Variants in SPATA16 observed in about 807,000 individuals in gnomAD.
The protein encoded by SPATA16 is spermatogenesis associated 16.
Under a neutral mutation model 63.3 loss-of-function variants are expected in SPATA16, and 36 were observed. The observed-to-expected ratio is 0.57, with a 90% CI of 0.44 to 0.75. SPATA16 has a LOEUF of 0.75. SPATA16 is among the 30% of genes least tolerant of loss of function. SPATA16 has a pLI of 0.00. For synonymous variants in SPATA16, 203 were observed against 216.7 expected (o/e 0.94, Z 0.56); for missense variants, 646 against 679.3 (o/e 0.95, Z 0.54).
At chr3:173,070,939 T>G (rs1428996808) in intron 2 of SPATA16, among the ~76,000 whole-genome samples, 1 of 152,174 alleles carries the variant, frequency 6.6e-6, no homozygotes. Context: ...AATGACATTC[T>G]TAACAGAAAT....
At chr3:172,932,281 A>T (rs1732888938) in intron 6 of SPATA16, among the ~76,000 whole-genome samples, 2 of 152,212 alleles carry the variant, frequency 1.3e-5, no homozygotes. Flanking sequence ...AGAAAGATGC[A>T]GATTTGTTGG....
Position 172,938,204 on chromosome 3 carries a change from A to T in SPATA16, c.1082-12712T>A, listed in dbSNP as rs564811257. ...CTCAGCTTCCCTTCATGGGTCTTAC[A>T]GATGCTATAAAAACATTAGATTATT... On this transcript the variant is annotated intron_variant, in intron 6 of 10. Coordinates refer to ENST00000351008, the MANE Select transcript of SPATA16 (RefSeq NM_031955.6). Among the ~76,000 whole-genome samples the T allele has an allele frequency of 5.9e-5, 9 of 152,324 alleles. No individual in the cohort carries two copies. In the South Asian group the frequency reaches 1.9e-3, roughly 32 times the overall value.
At chr3:173,117,842 T>C in intron 1 of SPATA16, 93 bp from the exon 2 acceptor site, 1 of 1,577,698 alleles carries the variant, frequency 6.3e-7, no homozygotes, top group South Asian at 1.1e-5. Flanking sequence ...CACTATTTCA[T>C]TCATTATTAG....
chr3:173,117,322 T>C lies in SPATA16; in HGVS notation c.410A>G (p.Tyr137Cys). The C allele has an allele frequency of 6.2e-7, 1 of 1,614,196 alleles. No homozygotes were observed. Residue 137 changes from tyrosine (Y) to cysteine (C), a missense_variant, in exon 2 of 11, where the codon TAT becomes TGT. Transcript: ENST00000351008. ...LVYIDEMGVRYEFVESFMSTG... is the reference protein window; with the variant it reads ...LVYIDEMGVRCEFVESFMSTG... ...AGACATGAAGGACTCTACAAACTCA[T>C]AGCGAACACCCATTTCATCAATGTA...
intron 2 of SPATA16, among the ~76,000 whole-genome samples, chr3:173,054,590 C>A (rs748677248): frequency 3.3e-5 from 5 of 151,994 alleles, no homozygotes; most frequent in Non-Finnish European, 7.3e-5. Context: ...ACACTGAGAA[C>A]TCATGGACAC....
intron 2 of SPATA16, among the ~76,000 whole-genome samples, chr3:173,080,930 T>C (rs1736908135): frequency 6.6e-6 from 1 of 152,160 alleles, no homozygotes; most frequent in East Asian, 1.9e-4. Flanking sequence ...TGGAAAGAGA[T>C]ACTTTCTCTG....
At chr3:172,902,204 A>G (rs1468693327) in intron 10 of SPATA16, among the ~76,000 whole-genome samples, 1 of 149,016 alleles carries the variant, frequency 6.7e-6, no homozygotes, top group Non-Finnish European at 1.5e-5. Context: ...CACCCAGCTA[A>G]TTTTTGTATT....
chr3:172,891,365 A>C (rs1212146093), intron 10 of SPATA16, among the ~76,000 whole-genome samples: 2 of 152,198 alleles, frequency 1.3e-5, no homozygotes, highest in Admixed American at 6.5e-5. Context: ...TATTTTAAAA[A>C]GACAAGAAAC....
intron 3 of SPATA16, among the ~76,000 whole-genome samples, chr3:173,037,258 A>G (rs1735734314): frequency 6.6e-6 from 1 of 151,954 alleles, no homozygotes; most frequent in South Asian, 2.1e-4. Context: ...TTTTTTGGGT[A>G]CTACATGTGA....
intron 2 of SPATA16, among the ~76,000 whole-genome samples, chr3:173,057,339 G>A (rs1454575675): frequency 6.6e-6 from 1 of 151,764 alleles, no homozygotes; most frequent in East Asian, 1.9e-4. Context: ...GGTCTCCATC[G>A]CCTGACCTCT....
chr3:172,980,642 G>A (rs576764699), intron 4 of SPATA16, among the ~76,000 whole-genome samples: 1 of 152,068 alleles, frequency 6.6e-6, no homozygotes, highest in Non-Finnish European at 1.5e-5. Flanking sequence ...TCATCCAATC[G>A]CGCCTAATCA....
chr3:172,943,888 A>G (rs568861001), intron 6 of SPATA16, among the ~76,000 whole-genome samples: 10 of 152,330 alleles, frequency 6.6e-5, no homozygotes, highest in African/African-American at 2.2e-4. Flanking sequence ...AAAAACCCAA[A>G]TGAACAAAGA....
chr3:172,981,991 A>G (rs1734331189), intron 4 of SPATA16, among the ~76,000 whole-genome samples: 1 of 152,292 alleles, frequency 6.6e-6, no homozygotes. Flanking sequence ...GCTCTACTGG[A>G]ATATAAGGTC....
At chr3:173,074,240 A>T (rs1202257005) in intron 2 of SPATA16, among the ~76,000 whole-genome samples, 1 of 152,054 alleles carries the variant, frequency 6.6e-6, no homozygotes, top group African/African-American at 2.4e-5. Context: ...ATGAGTTAAG[A>T]CTTTGGGGGA....
intron 6 of SPATA16, among the ~76,000 whole-genome samples, chr3:172,941,045 T>C (rs1016635348): frequency 3.9e-5 from 6 of 151,976 alleles, no homozygotes; most frequent in South Asian, 2.1e-4. Flanking sequence ...AGAGAACTTC[T>C]AGGAGTGGAA....
intron 4 of SPATA16, among the ~76,000 whole-genome samples, chr3:172,992,066 G>T (rs951166925): frequency 6.6e-6 from 1 of 152,050 alleles, no homozygotes; most frequent in African/African-American, 2.4e-5. Flanking sequence ...CTAGTTAATG[G>T]TATGGGCGTT....
chr3:173,062,140 C>T (rs1736396905), intron 2 of SPATA16, among the ~76,000 whole-genome samples: 1 of 144,284 alleles, frequency 6.9e-6, no homozygotes, highest in South Asian at 2.2e-4. Context: ...ATCTGACCAA[C>T]TAGTAATTTG....
At chr3:173,027,453 G>T (rs1000488112) in intron 3 of SPATA16, among the ~76,000 whole-genome samples, 20 of 151,870 alleles carry the variant, frequency 1.3e-4, no homozygotes, top group Non-Finnish European at 2.2e-4. Flanking sequence ...ACCATTTGTT[G>T]TTGTTGCTGT....
intron 4 of SPATA16, 70 bp downstream of exon 4, chr3:173,019,416 A>G (rs952200601): frequency 3.2e-6 from 4 of 1,264,018 alleles, no homozygotes; most frequent in East Asian, 2.3e-5. Context: ...CTGTTATGCT[A>G]TTACCAGAAT....
Sources: gnomAD v4.1 joint callset for allele counts (sites outside exome capture counted in the v4.1 genomes callset) on GRCh38, gnomAD v4.1.1 for gene constraint, MANE v1.5 for transcripts, NCBI Gene and HGNC (gene_info 2026-07-23, HGNC 2026-07-21) for gene names.